The following MEIS2 variants were observed in gnomAD, a reference collection of about 807,000 sequenced individuals.
MEIS2 encodes Meis homeobox 2.
In MEIS2, 9 loss-of-function variants were observed where a neutral mutation model predicts 58.6. That is an observed-to-expected ratio of 0.15 (90% CI 0.09 to 0.27). The LOEUF (loss-of-function observed/expected upper bound fraction) is 0.27, where lower values mean the gene tolerates loss of function less well. MEIS2 is among the 10% of genes least tolerant of loss of function. The pLI is 1.00. For missense variants in MEIS2, 427 were observed against 635.0 expected, an observed-to-expected ratio of 0.67 and a Z score of 3.52; for synonymous variants, 221 against 228.4, an observed-to-expected ratio of 0.97 and a Z score of 0.29.
Position 36,981,050 on chromosome 15 carries a change from G to A in MEIS2, c.901-30650C>T, listed in dbSNP as rs986410543. ...CAAAATCTTCTTTTAAGATTCTGAT[G>A]TGTAGATTGAGAAAAATTGTAATCT... On this transcript the variant is annotated intron_variant, in intron 8 of 11. Transcript: ENST00000561208. Among the ~76,000 whole-genome samples the A allele has an allele frequency of 5.9e-5, 9 of 152,180 alleles. No homozygotes were observed. The East Asian group carries it at 1.7e-3, about 29-fold the overall frequency.
chr15:37,074,563 A>G (rs1891125078), intron 7 of MEIS2, among the ~76,000 whole-genome samples: 1 of 151,992 alleles, frequency 6.6e-6, no homozygotes, highest in Non-Finnish European at 1.5e-5. Flanking sequence ...GCAAAAGTCC[A>G]AAGAGATTAA....
intron 8 of MEIS2, among the ~76,000 whole-genome samples, chr15:36,999,189 T>C (rs560610147): frequency 6.6e-6 from 1 of 152,316 alleles, no homozygotes; most frequent in South Asian, 2.1e-4. Context: ...CAGTAATTTT[T>C]CATTATGCTC....
chr15:37,048,771 C>T (rs2062784291), intron 7 of MEIS2, among the ~76,000 whole-genome samples: 1 of 151,994 alleles, frequency 6.6e-6, no homozygotes, highest in African/African-American at 2.4e-5. Flanking sequence ...AGATATGTAT[C>T]AACATGCCCT....
At chr15:37,086,019 T>A (rs935333240) in intron 6 of MEIS2, among the ~76,000 whole-genome samples, 4 of 152,218 alleles carry the variant, frequency 2.6e-5, no homozygotes, top group African/African-American at 9.7e-5. Context: ...GGCTAGAGGC[T>A]TCTTTTAGAA....
chr15:36,993,228 C>G (rs1213655629), intron 8 of MEIS2, among the ~76,000 whole-genome samples: 2 of 152,030 alleles, frequency 1.3e-5, no homozygotes, highest in African/African-American at 2.4e-5. Flanking sequence ...GAGTTTAATT[C>G]TAGAATCTTT....
At chr15:36,927,432 A>C (rs934660978) in intron 9 of MEIS2, among the ~76,000 whole-genome samples, 5 of 152,200 alleles carry the variant, frequency 3.3e-5, no homozygotes, top group African/African-American at 1.2e-4. Context: ...TGGGAAAATA[A>C]GGTGAAAGGA....
chr15:37,085,061 C>T (rs1892718277), intron 6 of MEIS2, among the ~76,000 whole-genome samples: 1 of 152,044 alleles, frequency 6.6e-6, no homozygotes, highest in African/African-American at 2.4e-5. Flanking sequence ...CTGAAGTATA[C>T]AAGGTATACA....
At chr15:37,060,087 T>C (rs903540452) in intron 7 of MEIS2, among the ~76,000 whole-genome samples, 1 of 152,080 alleles carries the variant, frequency 6.6e-6, no homozygotes, top group Admixed American at 6.6e-5. Context: ...TACAGGTGCA[T>C]GCCACCATGC....
intron 7 of MEIS2, among the ~76,000 whole-genome samples, chr15:37,043,677 C>A (rs111404658): frequency 3.9e-4 from 58 of 146,944 alleles, no homozygotes; most frequent in African/African-American, 1.4e-3. Context: ...ACACCGTCCC[C>A]TCCTTTTTTT....
At chr15:37,082,894 G>A (rs995997269) in intron 7 of MEIS2, among the ~76,000 whole-genome samples, 4 of 151,974 alleles carry the variant, frequency 2.6e-5, no homozygotes, top group Admixed American at 6.6e-5. Flanking sequence ...CCTCTACTTG[G>A]AAGCCTGTCT....
chr15:37,076,642 A>G (rs770214730), intron 7 of MEIS2, among the ~76,000 whole-genome samples: 2 of 152,068 alleles, frequency 1.3e-5, no homozygotes, highest in Non-Finnish European at 2.9e-5. Flanking sequence ...GTGGTTTTTG[A>G]GAATTTTTTC....
chr15:36,924,531 T>C (rs1311600990), intron 9 of MEIS2, among the ~76,000 whole-genome samples: 1 of 152,136 alleles, frequency 6.6e-6, no homozygotes, highest in African/African-American at 2.4e-5. Flanking sequence ...GAAATACACA[T>C]AGGCAGCCAA....
chr15:37,063,985 C>T (rs949855142), intron 7 of MEIS2, among the ~76,000 whole-genome samples: 37 of 152,162 alleles, frequency 2.4e-4, no homozygotes, highest in African/African-American at 7.0e-4. Flanking sequence ...TGAAACAAAA[C>T]GATTTTTTTG....
intron 9 of MEIS2, among the ~76,000 whole-genome samples, chr15:36,918,086 G>A (rs986385523): frequency 2.6e-5 from 4 of 152,120 alleles, no homozygotes; most frequent in Non-Finnish European, 4.4e-5. Context: ...TTATCAGGAA[G>A]TAAATAGAGA....
chr15:37,000,123 C>A (rs1406283241), intron 8 of MEIS2, among the ~76,000 whole-genome samples: 1 of 152,122 alleles, frequency 6.6e-6, no homozygotes, highest in Non-Finnish European at 1.5e-5. Context: ...AAGGCAATCA[C>A]CTCATTATTA....
intron 7 of MEIS2, among the ~76,000 whole-genome samples, chr15:37,059,036 A>C (rs1162425528): frequency 2.0e-5 from 3 of 152,278 alleles, no homozygotes; most frequent in African/African-American, 2.4e-5. Flanking sequence ...TTGTATTTAA[A>C]TGACCAACAA....
chr15:36,995,040 C>T (rs1020390711), intron 8 of MEIS2, among the ~76,000 whole-genome samples: 1 of 152,182 alleles, frequency 6.6e-6, no homozygotes, highest in Non-Finnish European at 1.5e-5. Context: ...GCACAAACTT[C>T]ACTCGTCCAT....
chr15:37,034,687 C>G (rs1332511374), intron 8 of MEIS2, among the ~76,000 whole-genome samples: 2 of 152,152 alleles, frequency 1.3e-5, no homozygotes, highest in African/African-American at 4.8e-5. Flanking sequence ...GTAAGGCTTT[C>G]TATATTGGGT....
intron 7 of MEIS2, among the ~76,000 whole-genome samples, chr15:37,037,485 G>A (rs371672200): frequency 4.6e-5 from 7 of 151,888 alleles, no homozygotes; most frequent in African/African-American, 1.7e-4. Context: ...CCCTGCACTC[G>A]GCATTTGCAT....
Sources: allele counts gnomAD v4.1 joint callset (sites outside exome capture counted in the v4.1 genomes callset), GRCh38; gene constraint gnomAD v4.1.1; transcripts MANE v1.5; gene names NCBI Gene and HGNC (gene_info 2026-07-23, HGNC 2026-07-21).